The following RPA1 variants were observed in gnomAD, a reference collection of about 807,000 sequenced individuals.
The protein encoded by RPA1 is replication protein A 70 kDa DNA-binding subunit.
Under a neutral mutation model 83.0 loss-of-function variants are expected in RPA1, and 49 were observed. The ratio of observed to expected loss-of-function variants is 0.59; its 90% CI spans 0.47 to 0.75. The LOEUF (loss-of-function observed/expected upper bound fraction) is 0.75, where lower values mean the gene tolerates loss of function less well. Ranked by LOEUF, RPA1 falls within the 30% of genes least tolerant of loss-of-function variation. The pLI is 0.00. For missense variants in RPA1, 693 were observed against 776.1 expected, an observed-to-expected ratio of 0.89 and a Z score of 1.27; for synonymous variants, 279 against 281.8, an observed-to-expected ratio of 0.99 and a Z score of 0.10.
chr17:1,893,377 A>G (rs1179297236), intron 15 of RPA1, among the ~76,000 whole-genome samples: 1 of 152,228 alleles, frequency 6.6e-6, no homozygotes. Flanking sequence ...TTGGAAGCAT[A>G]ATGGCAGCCG....
intron 1 of RPA1, among the ~76,000 whole-genome samples, chr17:1,836,284 AT>A (rs1362466255): frequency 6.6e-6 from 1 of 151,552 alleles, no homozygotes; most frequent in African/African-American, 2.4e-5. Flanking sequence ...TAATTTTTGT[AT>A]TTTTAATAGT....
intron 8 of RPA1, among the ~76,000 whole-genome samples, chr17:1,878,721 G>C (rs962437846): frequency 6.6e-6 from 1 of 152,160 alleles, no homozygotes; most frequent in African/African-American, 2.4e-5. Flanking sequence ...GTTCTGTTCT[G>C]TTTCTCAGTT....
chr17:1,878,402 A>AT (rs1037522150), intron 8 of RPA1, among the ~76,000 whole-genome samples: 24 of 151,756 alleles, frequency 1.6e-4, no homozygotes, highest in Admixed American at 4.6e-4. Context: ...TTAGAACCTA[A>AT]TTTTTTTTTA....
chr17:1,836,066 TCACTGTCA>T lies in RPA1; in HGVS notation c.33+5941_33+5948del, dbSNP rs1911807010. Among the ~76,000 whole-genome samples, 2 of 152,148 alleles carry T rather than the reference TCACTGTCA, an allele frequency of 1.3e-5. 1 individual carries two copies. Among genetic ancestry groups the T allele is most frequent in the South Asian group, 4.1e-4 (2 of 4,832 alleles). On this transcript the variant is annotated intron_variant, in intron 1 of 16. Coordinates refer to ENST00000254719, the MANE Select transcript of RPA1 (RefSeq NM_002945.5). ...CCAGAATAACTGCTTTTTAGAAAAA[TCACTGTCA>T]TTGACATTTTGCTTACGTATAGTAA...
intron 7 of RPA1, among the ~76,000 whole-genome samples, chr17:1,876,704 T>C (rs1913587096): frequency 6.6e-6 from 1 of 152,244 alleles, no homozygotes; most frequent in Non-Finnish European, 1.5e-5. Context: ...GTGGGGTACC[T>C]AATGTGCCCT....
intron 5 of RPA1, among the ~76,000 whole-genome samples, chr17:1,862,194 A>ATTTTTTTTTTTTTTTTTTTTTTTGTT (rs1913002733): frequency 1.1e-5 from 1 of 93,182 alleles, no homozygotes. Flanking sequence ...CCCCAACCGT[A>ATTTTTTTTTTTTTTTTTTTTTTTGTT]TTTTTTTTTT....
intron 14 of RPA1, among the ~76,000 whole-genome samples, chr17:1,890,517 G>C (rs1679528223): frequency 6.6e-6 from 1 of 151,954 alleles, no homozygotes; most frequent in Admixed American, 6.6e-5. Context: ...AAAAAAATTA[G>C]CCAGGCGTGG....
intron 1 of RPA1, among the ~76,000 whole-genome samples, chr17:1,842,156 G>A (rs776587940): frequency 6.6e-6 from 1 of 151,734 alleles, no homozygotes; most frequent in African/African-American, 2.4e-5. Context: ...TGCATGGGGT[G>A]GTCTTTGTTT....
intron 13 of RPA1, among the ~76,000 whole-genome samples, chr17:1,888,423 CTT>C (rs890927547): frequency 5.9e-5 from 9 of 152,156 alleles, no homozygotes; most frequent in Non-Finnish European, 2.9e-5. Flanking sequence ...AGGATTAACT[CTT>C]TTATTGTGAA....
chr17:1,841,270 CA>C (rs1319790108), intron 1 of RPA1, among the ~76,000 whole-genome samples: 1 of 152,082 alleles, frequency 6.6e-6, no homozygotes, highest in Non-Finnish European at 1.5e-5. Context: ...ATATTGTCTA[CA>C]AATAAAGGAA....
intron 4 of RPA1, among the ~76,000 whole-genome samples, chr17:1,846,235 C>T (rs1315400483): frequency 6.7e-6 from 1 of 148,706 alleles, no homozygotes; most frequent in African/African-American, 2.5e-5. Flanking sequence ...AGAATTTTGT[C>T]TTCTGGCATT....
Position 1,897,168 on chromosome 17 carries a change from T to C in RPA1, c.1844T>C (p.Leu615Ser). ...GTCATGAGCATCAGGAGAAGTGCAT[T>C]GATGTGAGAGGAGCAGTGCCAATCG... ...RLVMSIRRSA[L>S]M Residue 615 changes from leucine to serine, a missense_variant, in exon 17 of 17, where the codon TTG (leucine) becomes TCG (serine). Leu to Ser is a moderately radical substitution (Grantham distance 145). Transcript: ENST00000254719. The C allele has an allele frequency of 1.3e-6, 2 of 1,554,910 alleles. No homozygotes were observed. Among genetic ancestry groups the C allele is most frequent in the South Asian group, 1.2e-5 (1 of 84,098 alleles).
chr17:1,831,846 G>A lies in RPA1; in HGVS notation c.33+1720G>A, dbSNP rs78270606. Among the ~76,000 whole-genome samples the A allele has an allele frequency of 5.8e-4, 85 of 147,640 alleles. 1 individual carries two copies. The East Asian group carries it at 0.013, about 23-fold the overall frequency. On this transcript the variant is annotated intron_variant, in intron 1 of 16. Transcript: ENST00000254719. ...GATCTCCTGACCTTGTGATTCGCCC[G>A]CCTCGGCCTCCCAAAGTGTTGGGGT...
chr17:1,860,823 T>C (rs1912929199), intron 5 of RPA1, among the ~76,000 whole-genome samples: 1 of 152,210 alleles, frequency 6.6e-6, no homozygotes, highest in African/African-American at 2.4e-5. Context: ...CTAGAAACTT[T>C]TGTAATCCTG....
At chr17:1,838,734 A>G (rs1669030158) in intron 1 of RPA1, among the ~76,000 whole-genome samples, 1 of 152,052 alleles carries the variant, frequency 6.6e-6, no homozygotes, top group Non-Finnish European at 1.5e-5. Context: ...CAAGTTTACT[A>G]TTTTATCTAT....
At chr17:1,856,331 T>C (rs1912695407) in intron 5 of RPA1, among the ~76,000 whole-genome samples, 2 of 88,490 alleles carry the variant, frequency 2.3e-5, no homozygotes, top group African/African-American at 4.7e-5. Flanking sequence ...GTGCTGTGGC[T>C]CACGCCCATA....
chr17:1,881,346 G>C lies in RPA1; in HGVS notation c.1241+655G>C, dbSNP rs17292168. On this transcript the variant is annotated intron_variant, in intron 12 of 16. Coordinates refer to ENST00000254719, the MANE Select transcript of RPA1 (RefSeq NM_002945.5). The stretch of plus-strand genomic sequence containing the variant: ...ATAATTCCCATAGCTGTAGTCTATG[G>C]GGGGGAAGTGTGTCAGTTTCCAGCT... Among the ~76,000 whole-genome samples, 1,393 of 152,272 alleles carry C rather than the reference G, an allele frequency of 9.1e-3. 16 individuals are homozygous for C. The highest frequency in any genetic ancestry group is 0.026 in the African/African-American group (1,094 of 41,552).
chr17:1,832,998 C>T (rs1911679906), intron 1 of RPA1, among the ~76,000 whole-genome samples: 1 of 152,204 alleles, frequency 6.6e-6, no homozygotes. Flanking sequence ...ACATTCTCGG[C>T]TCACTGCAAC....
At chr17:1,858,131 C>T in intron 5 of RPA1, 1 of 1,613,808 alleles carries the variant, frequency 6.2e-7, no homozygotes, top group African/African-American at 1.3e-5. Context: ...AGGCCTTTTC[C>T]TAGGTTCCAC....
Sources: gnomAD v4.1 joint callset for allele counts (sites outside exome capture counted in the v4.1 genomes callset) on GRCh38, gnomAD v4.1.1 for gene constraint, MANE v1.5 for transcripts, NCBI Gene and HGNC (gene_info 2026-07-23, HGNC 2026-07-21) for gene names.